The following TRERF1 variants were observed in gnomAD, a reference collection of about 807,000 sequenced individuals.
TRERF1 encodes the protein transcriptional regulating factor 1.
In TRERF1, 27 loss-of-function variants were observed where a neutral mutation model predicts 122.9. That is an observed-to-expected ratio of 0.22 (90% CI 0.16 to 0.30). The LOEUF is 0.30. TRERF1 is among the 10% of genes least tolerant of loss of function. The pLI, the probability that TRERF1 is intolerant of heterozygous loss-of-function variation, is 1.00. For synonymous variants in TRERF1, 636 were observed against 641.7 expected (o/e 0.99, Z 0.13); for missense variants, 1,248 against 1,560.3 (o/e 0.80, Z 3.37).
At chr6:42,419,789 A>C (rs1199586016) in intron 2 of TRERF1, among the ~76,000 whole-genome samples, 1 of 152,208 alleles carries the variant, frequency 6.6e-6, no homozygotes, top group East Asian at 1.9e-4. Context: ...TACCCTGCTC[A>C]GGGCAAGCAC....
intron 8 of TRERF1, among the ~76,000 whole-genome samples, chr6:42,261,062 G>T (rs1226855457): frequency 6.6e-6 from 1 of 151,952 alleles, no homozygotes; most frequent in Admixed American, 6.6e-5. Context: ...ACCCCCAGGG[G>T]ACCCTCCTTA....
At chr6:42,343,934 G>A (rs1038091053) in intron 3 of TRERF1, among the ~76,000 whole-genome samples, 2 of 152,206 alleles carry the variant, frequency 1.3e-5, no homozygotes, top group South Asian at 2.1e-4. Flanking sequence ...GGCCAGCAGA[G>A]CTGCTGAGCC....
chr6:42,225,816 A>G (rs968949145), exon 18 of TRERF1: 1 of 152,254 alleles, frequency 6.6e-6, no homozygotes, highest in Non-Finnish European at 1.5e-5. Context: ...AGTTAAATAT[A>G]TTTGAAAATA....
At chr6:42,365,959 T>C (rs749326422) in intron 2 of TRERF1, among the ~76,000 whole-genome samples, 5 of 152,184 alleles carry the variant, frequency 3.3e-5, no homozygotes, top group Non-Finnish European at 7.4e-5. Flanking sequence ...GGATCCTTCA[T>C]AAATGGTGCA....
intron 2 of TRERF1, among the ~76,000 whole-genome samples, chr6:42,369,109 C>T (rs1437102266): frequency 1.3e-5 from 2 of 152,030 alleles, no homozygotes; most frequent in Non-Finnish European, 2.9e-5. Flanking sequence ...AATGTGCCTA[C>T]AGGGTTGAGA....
At chr6:42,258,018 C>G in intron 10 of TRERF1, 117 bp downstream of exon 10, 1 of 882,658 alleles carries the variant, frequency 1.1e-6, no homozygotes, top group Non-Finnish European at 1.7e-6. Flanking sequence ...GAAATAACCA[C>G]GATCCTACAA....
At position 42,283,253 on chromosome 6, in the gene TRERF1, G is replaced by A. The variant is rs190843259; in HGVS notation, c.-258-13405C>T. On this transcript the variant is annotated intron_variant, in intron 4 of 17. Transcript: ENST00000372922. ...TAACCTCAGCTTGGGAACATGCATC[G>A]GGCGACTCAAAATTTTCACTGCTCT... 9.9e-5 allele frequency among the ~76,000 whole-genome samples: 15 copies of A among 152,274 alleles called. No homozygotes were observed. In the East Asian group the frequency reaches 1.3e-3, roughly 14 times the overall value.
At chr6:42,308,332 C>T (rs574271397) in intron 3 of TRERF1, among the ~76,000 whole-genome samples, 11 of 152,254 alleles carry the variant, frequency 7.2e-5, no homozygotes, top group South Asian at 2.1e-4. Flanking sequence ...GGATGAACCT[C>T]GAAAACAGGG....
intron 2 of TRERF1, among the ~76,000 whole-genome samples, chr6:42,377,631 C>T (rs1581880993): frequency 6.6e-6 from 1 of 152,200 alleles, no homozygotes; most frequent in African/African-American, 2.4e-5. Context: ...GCAGTATGAA[C>T]ATTTATAAAT....
At chr6:42,334,796 T>C (rs1377202066) in intron 3 of TRERF1, among the ~76,000 whole-genome samples, 1 of 152,188 alleles carries the variant, frequency 6.6e-6, no homozygotes, top group African/African-American at 2.4e-5. Context: ...CCTCTGATGT[T>C]TCAAAGCTCT....
Position 42,239,150 on chromosome 6 carries a change from AT to A in TRERF1, c.2860-2740del, listed in dbSNP as rs549399598. Among the ~76,000 whole-genome samples the A allele has an allele frequency of 2.0e-5, 3 of 152,292 alleles. No individual in the cohort carries two copies. In the East Asian group the frequency reaches 5.8e-4, roughly 29 times the overall value. On this transcript the variant is annotated intron_variant, in intron 15 of 17. Coordinates refer to ENST00000372922, the Ensembl canonical transcript of TRERF1. ...CTTTGAAATGCCAAAGGGAAGGAGG[AT>A]GTTTCCCAAGGCCCCCATCAATGGA...
At chr6:42,288,404 AC>A (rs1330618873) in intron 4 of TRERF1, among the ~76,000 whole-genome samples, 1 of 151,956 alleles carries the variant, frequency 6.6e-6, no homozygotes, top group Admixed American at 6.5e-5. Flanking sequence ...CCCCATCTCT[AC>A]TAAAAATACA....
chr6:42,245,915 C>T (rs1268987724), intron 14 of TRERF1, among the ~76,000 whole-genome samples: 1 of 152,194 alleles, frequency 6.6e-6, no homozygotes, highest in African/African-American at 2.4e-5. Context: ...CAAGACCAGC[C>T]TGGCCAACAT....
At chr6:42,373,407 C>T (rs531433290) in intron 2 of TRERF1, among the ~76,000 whole-genome samples, 15 of 152,312 alleles carry the variant, frequency 9.8e-5, no homozygotes, top group African/African-American at 2.9e-4. Context: ...GTGGCTCACA[C>T]CTGCAATCCC....
intron 3 of TRERF1, among the ~76,000 whole-genome samples, chr6:42,311,894 T>G (rs1761732774): frequency 6.6e-6 from 1 of 152,100 alleles, no homozygotes; most frequent in African/African-American, 2.4e-5. Context: ...TGTTGTCGTC[T>G]TCCAAGTAAG....
chr6:42,356,714 A>G (rs1037462150), intron 3 of TRERF1, among the ~76,000 whole-genome samples: 3 of 152,020 alleles, frequency 2.0e-5, no homozygotes, highest in African/African-American at 7.3e-5. Context: ...AGCTGGGATT[A>G]CAGGTGCCTG....
intron 9 of TRERF1, 143 bp from the exon 10 acceptor site, chr6:42,258,344 G>A: frequency 1.4e-6 from 1 of 736,432 alleles, no homozygotes; most frequent in Non-Finnish European, 2.3e-6. Flanking sequence ...ACAGTTTCCA[G>A]GGAGCTGGGT....
chr6:42,239,497 G>C (rs1773124269), intron 15 of TRERF1, among the ~76,000 whole-genome samples: 1 of 152,146 alleles, frequency 6.6e-6, no homozygotes, highest in South Asian at 2.1e-4. Flanking sequence ...TAGCTAAAGG[G>C]CAATCATTCC....
At chr6:42,351,808 T>TC (rs1214507893) in intron 3 of TRERF1, among the ~76,000 whole-genome samples, 1 of 151,994 alleles carries the variant, frequency 6.6e-6, no homozygotes, top group Non-Finnish European at 1.5e-5. Flanking sequence ...CGTGCTCTCT[T>TC]CCTCCATCTG....
Sources: gnomAD v4.1 joint callset for allele counts (sites outside exome capture counted in the v4.1 genomes callset) on GRCh38, gnomAD v4.1.1 for gene constraint, MANE v1.5 for transcripts, NCBI Gene and HGNC (gene_info 2026-07-23, HGNC 2026-07-21) for gene names.